The following DACH1 variants were observed in gnomAD, a reference collection of about 807,000 sequenced individuals.
DACH1 encodes dachshund homolog 1.
Under a neutral mutation model 54.2 loss-of-function variants are expected in DACH1, and 12 were observed. That is an observed-to-expected ratio of 0.22 (90% CI 0.14 to 0.36). DACH1 has a LOEUF of 0.36. DACH1 is among the 10% of genes least tolerant of loss of function. The pLI is 1.00. For missense variants in DACH1, 805 were observed against 929.8 expected, an observed-to-expected ratio of 0.87 and a Z score of 1.75; for synonymous variants, 386 against 366.2, an observed-to-expected ratio of 1.05 and a Z score of -0.62.
At chr13:71,712,870 A>T (rs1369435248) in intron 1 of DACH1, among the ~76,000 whole-genome samples, 1 of 152,174 alleles carries the variant, frequency 6.6e-6, no homozygotes, top group Non-Finnish European at 1.5e-5. Context: ...ATTTAAAATG[A>T]AATTAAACAC....
chr13:71,534,458 C>T (rs1286478140), intron 6 of DACH1, among the ~76,000 whole-genome samples: 2 of 151,474 alleles, frequency 1.3e-5, no homozygotes, highest in Admixed American at 1.3e-4. Flanking sequence ...CTACATAAAC[C>T]ATTATGAAAA....
chr13:71,778,798 C>T (rs1282439656), intron 1 of DACH1, among the ~76,000 whole-genome samples: 1 of 151,782 alleles, frequency 6.6e-6, no homozygotes. Flanking sequence ...TAAATTTGTT[C>T]TGGTATAGTT....
chr13:71,669,175 A>C (rs1239831487), intron 2 of DACH1, among the ~76,000 whole-genome samples: 2 of 152,116 alleles, frequency 1.3e-5, no homozygotes, highest in African/African-American at 4.8e-5. Context: ...GGGGTACCCA[A>C]ACTCCAGGCC....
intron 1 of DACH1, among the ~76,000 whole-genome samples, chr13:71,740,205 A>T (rs916470542): frequency 6.6e-6 from 1 of 152,188 alleles, no homozygotes; most frequent in Non-Finnish European, 1.5e-5. Context: ...GCTAAATCGC[A>T]CATCTGGCAT....
At chr13:71,841,430 C>T (rs1872836987) in intron 1 of DACH1, among the ~76,000 whole-genome samples, 1 of 151,894 alleles carries the variant, frequency 6.6e-6, no homozygotes. Flanking sequence ...GGAATAAATT[C>T]CTTATTTAAT....
At chr13:71,466,584 T>C (rs1271703747) in intron 10 of DACH1, among the ~76,000 whole-genome samples, 1 of 152,170 alleles carries the variant, frequency 6.6e-6, no homozygotes, top group East Asian at 1.9e-4. Flanking sequence ...GGCTCACGCC[T>C]GTAATCATAT....
intron 1 of DACH1, among the ~76,000 whole-genome samples, chr13:71,752,317 A>C (rs1884962845): frequency 6.6e-6 from 1 of 152,208 alleles, no homozygotes; most frequent in South Asian, 2.1e-4. Context: ...GATTTTAAAA[A>C]TATACTTTCT....
chr13:71,856,755 G>A (rs1259023058), intron 1 of DACH1, among the ~76,000 whole-genome samples: 2 of 151,822 alleles, frequency 1.3e-5, no homozygotes, highest in East Asian at 1.9e-4. Context: ...CTTGACATAG[G>A]CCATGGAATT....
chr13:71,778,108 A>G (rs1886142538), intron 1 of DACH1, among the ~76,000 whole-genome samples: 1 of 147,454 alleles, frequency 6.8e-6, no homozygotes, highest in East Asian at 1.9e-4. Flanking sequence ...ATAAATAAAT[A>G]AATAAATAAA....
intron 6 of DACH1, among the ~76,000 whole-genome samples, chr13:71,556,758 G>A (rs1884278185): frequency 6.6e-6 from 1 of 151,896 alleles, no homozygotes; most frequent in African/African-American, 2.4e-5. Flanking sequence ...TAGGAACTGA[G>A]AGATAACAAT....
intron 10 of DACH1, among the ~76,000 whole-genome samples, chr13:71,474,728 A>G (rs1877367476): frequency 6.6e-6 from 1 of 152,144 alleles, no homozygotes; most frequent in South Asian, 2.1e-4. Flanking sequence ...GGTACCTTGC[A>G]GTAACTGTCA....
chr13:71,485,058 A>T (rs1878366572), intron 7 of DACH1, among the ~76,000 whole-genome samples: 1 of 151,618 alleles, frequency 6.6e-6, no homozygotes, highest in South Asian at 2.1e-4. Flanking sequence ...TCCGTCTTAA[A>T]TTTAAAAAAA....
At chr13:71,701,365 C>T (rs1196303512) in intron 1 of DACH1, among the ~76,000 whole-genome samples, 1 of 152,052 alleles carries the variant, frequency 6.6e-6, no homozygotes, top group Non-Finnish European at 1.5e-5. Flanking sequence ...ATACATATAA[C>T]TTTAGATGCA....
chr13:71,807,014 G>A (rs1196880993), intron 1 of DACH1, among the ~76,000 whole-genome samples: 1 of 152,168 alleles, frequency 6.6e-6, no homozygotes, highest in Non-Finnish European at 1.5e-5. Context: ...AGTAAATAGG[G>A]ACAGTGCTTC....
At chr13:71,702,103 AC>A (rs2138752800) in intron 1 of DACH1, among the ~76,000 whole-genome samples, 1 of 152,292 alleles carries the variant, frequency 6.6e-6, no homozygotes, top group South Asian at 2.1e-4. Flanking sequence ...TTTTATTCTA[AC>A]TTTTAGTTTT....
chr13:71,865,811 G>A, intron 1 of DACH1, 111 bp downstream of exon 1: 2 of 1,312,852 alleles, frequency 1.5e-6, no homozygotes, highest in Non-Finnish European at 1.9e-6. Context: ...GCTCGCCGGG[G>A]CGCGCGGCTC....
intron 1 of DACH1, among the ~76,000 whole-genome samples, chr13:71,692,652 A>G (rs1881574915): frequency 6.7e-6 from 1 of 149,742 alleles, no homozygotes; most frequent in East Asian, 2.0e-4. Context: ...CCTCCGAAGT[A>G]GTTGGGACTA....
At chr13:71,563,064 A>T (rs1884688928) in intron 4 of DACH1, among the ~76,000 whole-genome samples, 1 of 152,058 alleles carries the variant, frequency 6.6e-6, no homozygotes, top group Non-Finnish European at 1.5e-5. Flanking sequence ...AAATTCTAAT[A>T]GAAGCATAGT....
intron 1 of DACH1, among the ~76,000 whole-genome samples, chr13:71,756,844 G>A (rs895295908): frequency 6.6e-6 from 1 of 152,124 alleles, no homozygotes; most frequent in Admixed American, 6.5e-5. Context: ...AAATCAAGCA[G>A]AATTGAATAT....
Sources: allele counts gnomAD v4.1 joint callset (sites outside exome capture counted in the v4.1 genomes callset), GRCh38; gene constraint gnomAD v4.1.1; transcripts MANE v1.5; gene names NCBI Gene and HGNC (gene_info 2026-07-23, HGNC 2026-07-21).